Variants in CFAP54 observed in about 807,000 individuals in gnomAD.
CFAP54 encodes cilia and flagella associated protein 54, also known as cilia- and flagella-associated protein 54.
In CFAP54, 290 loss-of-function variants were observed where a neutral mutation model predicts 370.4. The observed-to-expected ratio is 0.78, with a 90% CI of 0.71 to 0.86. The LOEUF (loss-of-function observed/expected upper bound fraction) is 0.86, where lower values mean the gene tolerates loss of function less well. CFAP54 is among the 40% of genes least tolerant of loss of function. The pLI is 0.00. For missense variants in CFAP54, 3,399 were observed against 3,528.7 expected, an observed-to-expected ratio of 0.96 and a Z score of 0.93; for synonymous variants, 1,206 against 1,236.5, an observed-to-expected ratio of 0.98 and a Z score of 0.52.
intron 42 of CFAP54, among the ~76,000 whole-genome samples, chr12:96,688,135 T>C (rs1957347073): frequency 6.6e-6 from 1 of 152,166 alleles, no homozygotes; most frequent in African/African-American, 2.4e-5. Flanking sequence ...TGGTTTTATC[T>C]AAGAAAGACT....
chr12:96,583,701 A>G (rs1956051473), intron 22 of CFAP54, among the ~76,000 whole-genome samples: 1 of 152,184 alleles, frequency 6.6e-6, no homozygotes, highest in African/African-American at 2.4e-5. Flanking sequence ...AATGTACCCA[A>G]GGTTGCTCAG....
At chr12:96,630,684 T>C (rs1956598571) in intron 32 of CFAP54, 33 bp downstream of exon 32, 1 of 1,316,744 alleles carries the variant, frequency 7.6e-7, no homozygotes, top group African/African-American at 1.5e-5. Flanking sequence ...AATAAAAGTT[T>C]ACTTGAGGGT....
intron 1 of CFAP54, among the ~76,000 whole-genome samples, chr12:96,496,661 CACACTGGAGGTTAGGATTTCA>C (rs958717466): frequency 2.0e-5 from 3 of 152,022 alleles, no homozygotes; most frequent in Admixed American, 2.0e-4. Context: ...CAAATACAAC[CACACTGGAGGTTAGGATTTCA>C]ACATATGAAT....
At chr12:96,672,400 C>G (rs1000742580) in intron 39 of CFAP54, among the ~76,000 whole-genome samples, 4 of 152,018 alleles carry the variant, frequency 2.6e-5, no homozygotes, top group African/African-American at 9.7e-5. Context: ...GAAGTTTTCT[C>G]AATGAAGCAA....
At chr12:96,517,158 A>G (rs1001172565) in intron 5 of CFAP54, among the ~76,000 whole-genome samples, 6 of 152,208 alleles carry the variant, frequency 3.9e-5, no homozygotes, top group South Asian at 2.1e-4. Context: ...AACTTGAAAG[A>G]TGGTTTTTCA....
At chr12:96,648,502 C>T (rs1018665788) in intron 34 of CFAP54, among the ~76,000 whole-genome samples, 1 of 150,946 alleles carries the variant, frequency 6.6e-6, no homozygotes, top group Non-Finnish European at 1.5e-5. Context: ...AAAGCTCACT[C>T]TAAGATGAAT....
At chr12:96,771,285 C>A (rs1019810398) in intron 60 of CFAP54, among the ~76,000 whole-genome samples, 1 of 152,174 alleles carries the variant, frequency 6.6e-6, no homozygotes, top group Non-Finnish European at 1.5e-5. Flanking sequence ...GGCTTGTCCA[C>A]AAACTGGGGA....
chr12:96,752,089 A>T (rs1433867017), intron 55 of CFAP54, among the ~76,000 whole-genome samples: 1 of 79,948 alleles, frequency 1.3e-5, no homozygotes, highest in Non-Finnish European at 2.4e-5. Context: ...CCTGGATGAG[A>T]GAGAGAGAGA....
intron 40 of CFAP54, among the ~76,000 whole-genome samples, chr12:96,681,014 C>T (rs1957263090): frequency 6.6e-6 from 1 of 151,874 alleles, no homozygotes; most frequent in African/African-American, 2.4e-5. Context: ...ACCGGCGGGG[C>T]AGAGGTTGCA....
intron 28 of CFAP54, 135 bp from the exon 29 acceptor site, chr12:96,625,583 G>A (rs1364644895): frequency 4.0e-6 from 2 of 500,186 alleles, no homozygotes; most frequent in East Asian, 3.3e-5. Flanking sequence ...GCTATTTTAA[G>A]GCACATAATT....
chr12:96,668,558 C>T (rs1016610914), intron 39 of CFAP54, among the ~76,000 whole-genome samples: 4 of 152,118 alleles, frequency 2.6e-5, no homozygotes, highest in African/African-American at 9.7e-5. Flanking sequence ...AAACCAACCC[C>T]CATGATTCAA....
intron 22 of CFAP54, among the ~76,000 whole-genome samples, chr12:96,584,994 G>A (rs1035897663): frequency 6.7e-6 from 1 of 150,174 alleles, no homozygotes; most frequent in Non-Finnish European, 1.5e-5. Context: ...AAGAGAATGT[G>A]ATTGGCCCAC....
Position 96,559,989 on chromosome 12 carries a change from AT to A in CFAP54, c.2411-4474del, listed in dbSNP as rs373988371. Reference sequence around the variant, plus strand: ...TCTTCTAAATGTTTTATAGTTTTACATTTTTAATTGGTATATAATAATTGTA... The same window carrying A: ...TCTTCTAAATGTTTTATAGTTTTACATTTTAATTGGTATATAATAATTGTA... On this transcript the variant is annotated intron_variant, in intron 17 of 67. Coordinates refer to ENST00000524981, the MANE Select transcript of CFAP54 (RefSeq NM_001306084.2). 3.3e-5 allele frequency among the ~76,000 whole-genome samples: 5 copies of A among 152,220 alleles called. No individual in the cohort carries two copies. In the East Asian group the frequency reaches 9.6e-4, roughly 29 times the overall value.
At chr12:96,688,411 G>A (rs534071092) in intron 42 of CFAP54, among the ~76,000 whole-genome samples, 2 of 152,214 alleles carry the variant, frequency 1.3e-5, no homozygotes, top group South Asian at 4.2e-4. Flanking sequence ...AAACTTCCAC[G>A]TCCAGGGGTT....
intron 63 of CFAP54, among the ~76,000 whole-genome samples, chr12:96,794,349 T>TTC (rs1958734973): frequency 6.6e-6 from 1 of 152,142 alleles, no homozygotes; most frequent in Non-Finnish European, 1.5e-5. Context: ...ACTTTTAGAT[T>TTC]TCTCTTCTTT....
intron 33 of CFAP54, among the ~76,000 whole-genome samples, chr12:96,647,441 C>G (rs1393461290): frequency 1.6e-5 from 2 of 121,794 alleles, no homozygotes; most frequent in Admixed American, 1.2e-4. Flanking sequence ...CCACTGCACT[C>G]CAGTCTGGGC....
At chr12:96,490,016 G>C in intron 1 of CFAP54, 90 bp downstream of exon 1, 1 of 1,276,154 alleles carries the variant, frequency 7.8e-7, no homozygotes, top group East Asian at 2.5e-5. Flanking sequence ...CCCCAGAGAT[G>C]GTTCAGCGTT....
At chr12:96,533,664 C>A in intron 9 of CFAP54, 128 bp from the exon 10 acceptor site, 1 of 724,744 alleles carries the variant, frequency 1.4e-6, no homozygotes, top group Admixed American at 3.5e-5. Context: ...CTTGTTTCCC[C>A]CACTAGAACG....
chr12:96,872,770 G>A (rs1013432856), intron 67 of CFAP54, among the ~76,000 whole-genome samples: 4 of 152,118 alleles, frequency 2.6e-5, no homozygotes, highest in Non-Finnish European at 5.9e-5. Context: ...ATGCTTCAGA[G>A]GAGCAGGTAG....
Sources: allele counts gnomAD v4.1 joint callset (sites outside exome capture counted in the v4.1 genomes callset), GRCh38; gene constraint gnomAD v4.1.1; transcripts MANE v1.5; gene names NCBI Gene and HGNC (gene_info 2026-07-23, HGNC 2026-07-21).